Variants in UFL1 observed in about 807,000 individuals in gnomAD.
UFL1 encodes E3 UFM1-protein ligase 1.
A neutral mutation model predicts 99.3 loss-of-function variants in UFL1; 78 were observed. The ratio of observed to expected loss-of-function variants is 0.79; its 90% CI spans 0.65 to 0.95. The LOEUF is 0.95. Ranked by LOEUF, UFL1 falls within the 40% of genes least tolerant of loss-of-function variation. The probability of loss-of-function intolerance (pLI) is 0.00; values close to 1 mark genes in which losing one functional copy is unlikely to be tolerated. For synonymous variants in UFL1, 335 were observed against 322.2 expected, an observed-to-expected ratio of 1.04 and a Z score of -0.42; for missense variants, 936 against 937.0, an observed-to-expected ratio of 1.00 and a Z score of 0.01.
At chr6:96,538,487 T>A (rs753473633) in intron 9 of UFL1, 144 bp from the exon 10 acceptor site, 1 of 677,842 alleles carries the variant, frequency 1.5e-6, no homozygotes, top group East Asian at 2.8e-5. Flanking sequence ...AGAAATATAA[T>A]TTGGAGGTTA....
rs1161451391 is a variant in UFL1, at chr6:96,548,174, G to C, written c.1413G>C (p.Lys471Asn). Residue 471 changes from lysine (K) to asparagine (N), a missense_variant, in exon 13 of 19, where the codon AAG (lysine) becomes AAC (asparagine). Lys to Asn is a moderately conservative substitution (Grantham distance 94). Transcript: ENST00000369278. ...ESQSSHTGKK[K>N]PEISFMFQDE... ...TCATGTCCGATATAGGAAAGAAGAAGCCAGAGATCAGTTTTATGTTCCAGG... is the reference window on the plus strand; with the variant it reads ...TCATGTCCGATATAGGAAAGAAGAACCCAGAGATCAGTTTTATGTTCCAGG... 5 of 1,591,416 alleles carry C rather than the reference G, an allele frequency of 3.1e-6. No homozygotes were observed. In the South Asian group the frequency reaches 5.7e-5, roughly 18 times the overall value.
intron 10 of UFL1, among the ~76,000 whole-genome samples, 184 bp downstream of exon 10, chr6:96,538,994 C>T (rs758397875): frequency 5.9e-5 from 9 of 151,560 alleles, no homozygotes; most frequent in Non-Finnish European, 1.0e-4. Context: ...CCCATCAAAA[C>T]ATCTGACTTA....
rs139586367 is a variant in UFL1 at position 96,526,408 on chromosome 6, T to G, written c.438T>G (p.Tyr146Ter). The G allele has an allele frequency of 8.1e-6, 13 of 1,612,168 alleles. No individual in the cohort carries two copies. The highest frequency in any genetic ancestry group is 1.1e-5 in the Non-Finnish European group (13 of 1,179,554). The change falls in exon 5 of 19, where the codon TAT (tyrosine) becomes TAG (stop). Residue 146 changes from tyrosine (Y) to a stop codon, truncating the protein, a stop_gained. Transcript: ENST00000369278. LOFTEE classifies it high-confidence loss of function. The part of the protein sequence containing the change: ...QVTISELCKT[Y>*]DLPGNFLTQA... ...CCATATCAGAACTGTGTAAAACTTA[T>G]GATCTTCCTGGGAACTTTCTGACAC...
chr6:96,528,606 C>A lies in UFL1; in HGVS notation c.570C>A (p.Ile190=), dbSNP rs748238940. Residue 190 remains isoleucine, a synonymous_variant, in exon 6 of 19, where the codon ATC becomes ATA. Coordinates refer to ENST00000369278, the MANE Select transcript of UFL1 (RefSeq NM_015323.5). ...TTGTAGCTCGACATAAAGCACGTAT[C>A]CGTGGACTATTCAGTGCTATTACCC... ...EAFVARHKAR[I]RGLFSAITRP... is the part of the protein sequence containing the mutation. 6.2e-7 allele frequency: 1 copy of A among 1,613,700 alleles called. No individual in the cohort carries two copies. The highest frequency in any genetic ancestry group is 8.5e-7 in the Non-Finnish European group (1 of 1,179,768).
At chr6:96,529,045 T>C (rs1053087904) in intron 6 of UFL1, among the ~76,000 whole-genome samples, 2 of 152,240 alleles carry the variant, frequency 1.3e-5, no homozygotes, top group Non-Finnish European at 2.9e-5. Context: ...CCTAACTTCT[T>C]TGGGCATCAT....
At chr6:96,532,815 T>C (rs963176190) in intron 6 of UFL1, among the ~76,000 whole-genome samples, 6 of 152,188 alleles carry the variant, frequency 3.9e-5, no homozygotes, top group African/African-American at 1.4e-4. Flanking sequence ...TTAAGTCTTC[T>C]GTTATAGCAA....
chr6:96,539,871 G>C (rs907566870), intron 10 of UFL1, among the ~76,000 whole-genome samples: 4 of 151,358 alleles, frequency 2.6e-5, no homozygotes, highest in African/African-American at 9.7e-5. Flanking sequence ...CATGTGAACT[G>C]TCAATATTTT....
At chr6:96,538,246 A>G (rs1374420586) in intron 9 of UFL1, among the ~76,000 whole-genome samples, 2 of 151,844 alleles carry the variant, frequency 1.3e-5, no homozygotes, top group African/African-American at 4.8e-5. Context: ...AAGATAGTTA[A>G]GGAAAACAGT....
intron 11 of UFL1, 65 bp downstream of exon 11, chr6:96,540,720 C>T (rs1769919647): frequency 1.3e-6 from 2 of 1,541,876 alleles, no homozygotes; most frequent in Non-Finnish European, 1.7e-6. Context: ...TTGCATTTAT[C>T]ACATTTATTA....
At chr6:96,550,671 C>T (rs1389745828) in intron 15 of UFL1, among the ~76,000 whole-genome samples, 2 of 152,032 alleles carry the variant, frequency 1.3e-5, no homozygotes, top group African/African-American at 4.8e-5. Flanking sequence ...TGGCCCCCTT[C>T]CCTTCTTCTG....
chr6:96,531,045 G>A lies in UFL1; in HGVS notation c.596+2413G>A, dbSNP rs375277314. 2.8e-4 allele frequency among the ~76,000 whole-genome samples: 43 copies of A among 152,300 alleles called. 1 individual carries two copies. In the East Asian group the frequency reaches 4.8e-3, roughly 17 times the overall value. On this transcript the variant is annotated intron_variant, in intron 6 of 18. Transcript: ENST00000369278. ...GGCGGCATTAGATTCTCATAGGAGC[G>A]TGAACCCTATTGTGAACTGCACATG... is the stretch of plus-strand genomic sequence containing the variant.
intron 15 of UFL1, among the ~76,000 whole-genome samples, chr6:96,551,193 G>A (rs913215025): frequency 5.3e-5 from 8 of 151,892 alleles, no homozygotes; most frequent in Admixed American, 2.0e-4. Context: ...CAAGGTCAAC[G>A]ACTCTCTCTA....
chr6:96,547,128 TCAA>T (rs1037899911), intron 12 of UFL1, among the ~76,000 whole-genome samples: 7 of 151,256 alleles, frequency 4.6e-5, no homozygotes, highest in African/African-American at 1.7e-4. Context: ...TACGAAGAAC[TCAA>T]CAAGAAGAAG....
chr6:96,534,641 G>T (rs534233630), intron 7 of UFL1, among the ~76,000 whole-genome samples: 1 of 151,772 alleles, frequency 6.6e-6, no homozygotes, highest in South Asian at 2.1e-4. Context: ...TTTTTACTTT[G>T]TTTCTTATGA....
chr6:96,540,428 C>A, intron 10 of UFL1, 107 bp from the exon 11 acceptor site: 2 of 1,375,826 alleles, frequency 1.5e-6, no homozygotes, highest in East Asian at 2.5e-5. Flanking sequence ...CTCTATAGTT[C>A]TAAGCAACAA....
At chr6:96,553,008 T>C (rs1235311952) in intron 18 of UFL1, among the ~76,000 whole-genome samples, 1 of 152,046 alleles carries the variant, frequency 6.6e-6, no homozygotes, top group African/African-American at 2.4e-5. Flanking sequence ...AAAGGGAACT[T>C]CCCTATCCCT....
intron 15 of UFL1, among the ~76,000 whole-genome samples, chr6:96,551,076 G>C (rs1314935542): frequency 2.0e-5 from 3 of 151,960 alleles, no homozygotes; most frequent in African/African-American, 7.2e-5. Context: ...AGGCATCCTT[G>C]ATCTTTATGA....
At position 96,537,428 on chromosome 6, in the gene UFL1, A is replaced by G; in HGVS notation, c.857A>G (p.Lys286Arg). 6.2e-7 allele frequency: 1 copy of G among 1,603,524 alleles called. No homozygotes were observed. Among genetic ancestry groups the G allele is most frequent in the African/African-American group, 1.3e-5 (1 of 74,096 alleles). The stretch of plus-strand genomic sequence containing the variant: ...CCAGATGCTGTAAGCTACATAAAGA[A>G]AAGATATAAGACTACACAACTCTTG... ...GIPDAVSYIK[K>R]RYKTTQLLFL... The change falls in exon 9 of 19, where the codon AAA becomes AGA. Residue 286 changes from lysine (K) to arginine (R), a missense_variant. Transcript: ENST00000369278.
Position 96,528,573 on chromosome 6 carries a change from G to A in UFL1, c.537G>A (p.Thr179=), listed in dbSNP as rs758868210. ...IDLDNRGVIF[T]EAFVARHKAR... is the part of the protein sequence containing the mutation. ...TTGATAATAGAGGAGTAATTTTTACGGAAGCTTTTGTAGCTCGACATAAAG... is the reference window on the plus strand; with the variant it reads ...TTGATAATAGAGGAGTAATTTTTACAGAAGCTTTTGTAGCTCGACATAAAG... Residue 179 remains threonine, a synonymous_variant, in exon 6 of 19, where the codon ACG becomes ACA. Transcript: ENST00000369278. The A allele has an allele frequency of 1.9e-5, 31 of 1,613,744 alleles. 1 individual carries two copies. The highest frequency in any genetic ancestry group is 4.4e-5 in the South Asian group (4 of 91,080).
Sources: allele counts gnomAD v4.1 joint callset (sites outside exome capture counted in the v4.1 genomes callset), GRCh38; gene constraint gnomAD v4.1.1; transcripts MANE v1.5; gene names NCBI Gene and HGNC (gene_info 2026-07-23, HGNC 2026-07-21).